KCND3: variants seen among roughly 807,000 people sequenced by gnomAD.
KCND3 encodes the protein A-type voltage-gated potassium channel KCND3.
In KCND3, 9 loss-of-function variants were observed where a neutral mutation model predicts 51.1. That is an observed-to-expected ratio of 0.18 (90% CI 0.11 to 0.31). The LOEUF (loss-of-function observed/expected upper bound fraction) is 0.31. Ranked by LOEUF, KCND3 falls within the 10% of genes least tolerant of loss-of-function variation. The pLI is 1.00. For missense variants in KCND3, 526 were observed against 903.8 expected, an observed-to-expected ratio of 0.58 and a Z score of 5.36; for synonymous variants, 349 against 368.0, an observed-to-expected ratio of 0.95 and a Z score of 0.59.
At chr1:111,929,858 C>G (rs1571863931) in intron 2 of KCND3, among the ~76,000 whole-genome samples, 2 of 152,332 alleles carry the variant, frequency 1.3e-5, no homozygotes, top group East Asian at 3.9e-4. Context: ...CATCATGCTC[C>G]CCCTTCCTTT....
intron 2 of KCND3, among the ~76,000 whole-genome samples, chr1:111,911,297 A>G (rs1670933081): frequency 6.6e-6 from 1 of 152,198 alleles, no homozygotes; most frequent in Admixed American, 6.5e-5. Context: ...CAGACAGCAG[A>G]TTTGGTATTA....
At chr1:111,851,035 A>G (rs1034521895) in intron 2 of KCND3, among the ~76,000 whole-genome samples, 1 of 152,106 alleles carries the variant, frequency 6.6e-6, no homozygotes, top group Admixed American at 6.6e-5. Flanking sequence ...TGTCCTTAGA[A>G]TCATTCCCAC....
At chr1:111,798,292 CCTCTCT>C (rs141871834) in intron 2 of KCND3, among the ~76,000 whole-genome samples, 1 of 151,252 alleles carries the variant, frequency 6.6e-6, no homozygotes, top group African/African-American at 2.4e-5. Flanking sequence ...TGGGAATGGC[CCTCTCT>C]CTCTCTCTTT....
At chr1:111,884,412 C>T (rs546295294) in intron 2 of KCND3, among the ~76,000 whole-genome samples, 20 of 152,334 alleles carry the variant, frequency 1.3e-4, no homozygotes, top group African/African-American at 4.8e-4. Context: ...TTGTTACTGA[C>T]ATTTCCCCAG....
chr1:111,844,747 C>A (rs111316121), intron 2 of KCND3, among the ~76,000 whole-genome samples: 1 of 152,014 alleles, frequency 6.6e-6, no homozygotes, highest in African/African-American at 2.4e-5. Flanking sequence ...TACCTGTGTC[C>A]CCTCTCATCC....
chr1:111,895,023 T>G (rs1571812201), intron 2 of KCND3, among the ~76,000 whole-genome samples: 22 of 132,586 alleles, frequency 1.7e-4, no homozygotes, highest in East Asian at 6.6e-4. Context: ...GAGGAGGAAA[T>G]GAGGGATGAG....
chr1:111,775,818 G>GGCCCCCCCCCCCCC lies in KCND3; in HGVS notation c.*258_*259insGGGGGGGGGGGGGC. The GGCCCCCCCCCCCCC allele has an allele frequency of 2.0e-5, 2 of 99,730 alleles. No individual in the cohort carries two copies. Among genetic ancestry groups the GGCCCCCCCCCCCCC allele is most frequent in the South Asian group, 1.2e-4 (1 of 8,076 alleles). The allele number at this position is 99,730 out of a possible 1,614,324, so 6.2% of individuals were successfully genotyped here. A position where few individuals can be genotyped will look rare whatever the true frequency, so the allele number is the denominator to read the frequency against. On this transcript the variant is annotated 3_prime_UTR_variant, in exon 8 of 8. Transcript: ENST00000302127. ...AGCCTATATCCCCCGGCCTATCCCC[G>GGCCCCCCCCCCCCC]ACCCCCCCACCCTCCCTCCCTTCCT... is the stretch of plus-strand genomic sequence containing the variant.
chr1:111,806,714 A>G (rs977613474), intron 2 of KCND3, among the ~76,000 whole-genome samples: 1 of 152,248 alleles, frequency 6.6e-6, no homozygotes, highest in Non-Finnish European at 1.5e-5. Flanking sequence ...ATCATGGGCC[A>G]TAATCTCTGA....
intron 2 of KCND3, among the ~76,000 whole-genome samples, chr1:111,806,974 G>A (rs12059906): frequency 0.091 from 13,861 of 152,202 alleles, 1,151 homozygotes; most frequent in African/African-American, 0.21. Context: ...CCTTGAATTT[G>A]GATTAAGGAA....
In KCND3 at chr1:111,982,077, G is replaced by T. The variant is rs1306797985; in HGVS notation, c.650C>A (p.Pro217Gln). 2 of 1,613,726 alleles carry T rather than the reference G, an allele frequency of 1.2e-6. No individual in the cohort carries two copies. Among genetic ancestry groups the T allele is most frequent in the Admixed American group, 1.7e-5 (1 of 60,010 alleles). Residue 217 changes from proline (P) to glutamine (Q), a missense_variant, in exon 2 of 8, where the codon CCG (proline) becomes CAG (glutamine). Physicochemically the swap from Pro to Gln is moderately conservative, Grantham distance 76. Around this residue, in one of 5 missense-constraint regions of KCND3, gnomAD observed 51 missense variants for 84.7 expected, o/e 0.60. Transcript: ENST00000302127. The surrounding 1 kb of genome is among the most constrained non-coding windows in gnomAD (Gnocchi z 8.5). ...CGTVPGSKEL[P>Q]CGERYSVAFF... ...GGCCACCGAGTAGCGCTCCCCGCACGGCAGCTCCTTGCTGCCCGGGACCGT... is the reference window on the plus strand; with the variant it reads ...GGCCACCGAGTAGCGCTCCCCGCACTGCAGCTCCTTGCTGCCCGGGACCGT...
At position 111,780,215 on chromosome 1, in the gene KCND3, TG is replaced by T; in HGVS notation, c.1461+9del. 1 of 1,576,896 alleles carries T rather than the reference TG, an allele frequency of 6.3e-7. No homozygotes were observed. On this transcript the variant is annotated intron_variant, in intron 5 of 7. Coordinates refer to ENST00000302127, the MANE Select transcript of KCND3 (RefSeq NM_001378969.1). This position sits in a 1 kb window ranked among gnomAD's most constrained non-coding sequence, Gnocchi z 4.2. ...CGATGAAAAGGAGGTGGCAAAGGGCTGGGACTCACAGTGGTTTTTTCCAGGC... is the reference window on the plus strand; with the variant it reads ...CGATGAAAAGGAGGTGGCAAAGGGCTGGACTCACAGTGGTTTTTTCCAGGC...
At chr1:111,786,013 C>T (rs936958553) in intron 3 of KCND3, among the ~76,000 whole-genome samples, 2 of 152,256 alleles carry the variant, frequency 1.3e-5, no homozygotes, top group African/African-American at 4.8e-5. Context: ...CTCAGAAAGG[C>T]TCTGGCCATA....
chr1:111,878,402 C>T (rs1010971789), intron 2 of KCND3, among the ~76,000 whole-genome samples: 1 of 152,220 alleles, frequency 6.6e-6, no homozygotes, highest in African/African-American at 2.4e-5. Context: ...GCTTCCACCC[C>T]AGCCTCCTCC....
intron 2 of KCND3, among the ~76,000 whole-genome samples, chr1:111,829,211 G>A (rs1666718139): frequency 6.6e-6 from 1 of 152,194 alleles, no homozygotes; most frequent in African/African-American, 2.4e-5. Context: ...TGCGGTTGCA[G>A]GGATATGGGG....
intron 2 of KCND3, among the ~76,000 whole-genome samples, chr1:111,876,485 A>G (rs766616022): frequency 4.3e-4 from 65 of 151,848 alleles, no homozygotes; most frequent in Admixed American, 3.1e-3. Flanking sequence ...ATGCATCCCC[A>G]CCCCATCTGA....
chr1:111,770,915 A>G lies in KCND3; in HGVS notation c.*5162T>C, dbSNP rs1663889607. The G allele has an allele frequency of 6.6e-6, 1 of 152,058 alleles. No homozygotes were observed. The highest frequency in any genetic ancestry group is 1.5e-5 in the Non-Finnish European group (1 of 68,012). The allele number at this position is 152,058 out of a possible 1,614,324, so 9.4% of individuals were successfully genotyped here. On this transcript the variant is annotated 3_prime_UTR_variant, in exon 8 of 8. Transcript: ENST00000302127. ...TTGATAAGCAAAGCCCATTTATTATACGAAAATAGAAAAGAACACACTTGA... is the reference window on the plus strand; with the variant it reads ...TTGATAAGCAAAGCCCATTTATTATGCGAAAATAGAAAAGAACACACTTGA...
chr1:111,905,135 G>A (rs916702289), intron 2 of KCND3, among the ~76,000 whole-genome samples: 3 of 152,212 alleles, frequency 2.0e-5, no homozygotes, highest in Non-Finnish European at 4.4e-5. Context: ...TAGAAACTGC[G>A]TGGTCTTGTT....
At chr1:111,931,784 T>G (rs995795811) in intron 2 of KCND3, among the ~76,000 whole-genome samples, 1 of 152,252 alleles carries the variant, frequency 6.6e-6, no homozygotes, top group Non-Finnish European at 1.5e-5. Flanking sequence ...GAGACTCATC[T>G]TCTGTGCCAT....
intron 2 of KCND3, among the ~76,000 whole-genome samples, chr1:111,866,263 C>CT (rs11399761): frequency 0.32 from 17,104 of 53,962 alleles, 1,750 homozygotes; most frequent in East Asian, 0.43. Flanking sequence ...CTTTTCTTTT[C>CT]TTTTTTTTTT....
Sources: allele counts gnomAD v4.1 joint callset (sites outside exome capture counted in the v4.1 genomes callset), GRCh38; gene constraint gnomAD v4.1.1; regional missense constraint gnomAD v4.1.1; non-coding constraint Gnocchi (gnomAD v3.1); transcripts MANE v1.5; gene names NCBI Gene and HGNC (gene_info 2026-07-23, HGNC 2026-07-21).